The following EXOC6 variants were observed in gnomAD, a reference collection of about 807,000 sequenced individuals.
The protein encoded by EXOC6 is SEC15-like 1.
A neutral mutation model predicts 112.5 loss-of-function variants in EXOC6; 60 were observed. The ratio of observed to expected loss-of-function variants is 0.53; its 90% CI spans 0.43 to 0.66. The LOEUF is 0.66. EXOC6 is among the 30% of genes least tolerant of loss of function. The pLI is 0.00. For missense variants in EXOC6, 855 were observed against 957.1 expected, an observed-to-expected ratio of 0.89 and a Z score of 1.41; for synonymous variants, 295 against 308.0, an observed-to-expected ratio of 0.96 and a Z score of 0.44.
At position 92,969,829 on chromosome 10, in the gene EXOC6, G is replaced by C. The variant is rs190236620; in HGVS notation, c.1774-4224G>C. Among the ~76,000 whole-genome samples the C allele has an allele frequency of 3.1e-3, 479 of 152,234 alleles. 5 individuals carry two copies. Among genetic ancestry groups the C allele is most frequent in the African/African-American group, 0.011 (458 of 41,506 alleles). ...ATGCCTCAGCCTCCTGAGTAGCTGG[G>C]ATTATAGGCGTACACCACCACGCCC... On this transcript the variant is annotated intron_variant, in intron 17 of 21. Coordinates refer to ENST00000260762, the MANE Select transcript of EXOC6 (RefSeq NM_019053.6).
Position 92,886,250 on chromosome 10 carries a change from A to G in EXOC6, c.102-7099A>G, listed in dbSNP as rs1377923040. ...AAGAATAATGATTATCATTTAAAGA[A>G]AAAAAGAAAAATAGCTTTTTCAGAG... On this transcript the variant is annotated intron_variant, in intron 1 of 21. Transcript: ENST00000260762. 2.0e-5 allele frequency among the ~76,000 whole-genome samples: 3 copies of G among 152,312 alleles called. No individual in the cohort carries two copies. The East Asian group carries it at 5.8e-4, about 29-fold the overall frequency.
At chr10:92,961,953 A>C (rs1214790784) in intron 17 of EXOC6, among the ~76,000 whole-genome samples, 1 of 152,192 alleles carries the variant, frequency 6.6e-6, no homozygotes. Flanking sequence ...GAAAGGTAAA[A>C]ATGTAGCAGC....
intron 12 of EXOC6, among the ~76,000 whole-genome samples, chr10:92,940,228 A>G (rs536441137): frequency 1.3e-5 from 2 of 152,264 alleles, no homozygotes; most frequent in East Asian, 1.9e-4. Flanking sequence ...TAAGATTTCA[A>G]TGAGTTTGGA....
intron 19 of EXOC6, among the ~76,000 whole-genome samples, chr10:93,011,315 G>A (rs186614488): frequency 2.0e-5 from 3 of 151,858 alleles, no homozygotes; most frequent in African/African-American, 4.8e-5. Context: ...GGAGTGCAGT[G>A]GTACGATCAT....
chr10:92,854,415 G>A (rs1380835495), intron 1 of EXOC6, among the ~76,000 whole-genome samples: 4 of 150,186 alleles, frequency 2.7e-5, no homozygotes, highest in East Asian at 3.9e-4. Context: ...CAGCCTGGGC[G>A]ACAGAATGAG....
At chr10:92,934,501 C>G in intron 11 of EXOC6, 71 bp downstream of exon 11, 1 of 1,300,308 alleles carries the variant, frequency 7.7e-7, no homozygotes, top group African/African-American at 1.5e-5. Context: ...TGCATAATGT[C>G]AGAGGAAAAC....
intron 20 of EXOC6, among the ~76,000 whole-genome samples, chr10:93,045,924 T>C (rs1450111158): frequency 6.6e-6 from 1 of 152,218 alleles, no homozygotes; most frequent in African/African-American, 2.4e-5. Flanking sequence ...TGGCACAAAT[T>C]AAATCAATCA....
intron 18 of EXOC6, among the ~76,000 whole-genome samples, chr10:92,975,524 TG>T (rs1417286804): frequency 8.5e-6 from 1 of 117,546 alleles, no homozygotes; most frequent in Non-Finnish European, 1.7e-5. Context: ...AGGAGGGAGG[TG>T]GGGGGGTCAG....
chr10:92,981,535 G>T (rs1050849996), intron 18 of EXOC6, among the ~76,000 whole-genome samples: 2 of 152,142 alleles, frequency 1.3e-5, no homozygotes, highest in African/African-American at 4.8e-5. Flanking sequence ...CTAACACATG[G>T]TTGTCTTTTA....
chr10:93,008,359 A>G (rs1844088835), intron 19 of EXOC6, among the ~76,000 whole-genome samples: 1 of 152,204 alleles, frequency 6.6e-6, no homozygotes, highest in Non-Finnish European at 1.5e-5. Flanking sequence ...TGATTTTTAC[A>G]TATCTTATTG....
At chr10:92,872,718 CTT>C (rs1316755296) in intron 1 of EXOC6, among the ~76,000 whole-genome samples, 20 of 151,970 alleles carry the variant, frequency 1.3e-4, no homozygotes, top group Admixed American at 1.3e-3. Flanking sequence ...TATTTATAGA[CTT>C]TATAGTCTTT....
chr10:92,896,133 G>A (rs1292941241), intron 4 of EXOC6, among the ~76,000 whole-genome samples: 9 of 48,410 alleles, frequency 1.9e-4, no homozygotes, highest in Admixed American at 3.1e-4. Flanking sequence ...GTGTGTGTGT[G>A]TGTGTATGTA....
intron 9 of EXOC6, among the ~76,000 whole-genome samples, chr10:92,933,451 G>A (rs988755487): frequency 1.3e-5 from 2 of 152,096 alleles, no homozygotes; most frequent in African/African-American, 4.8e-5. Context: ...CAAGCATTTG[G>A]TGACATGTAG....
intron 18 of EXOC6, among the ~76,000 whole-genome samples, chr10:92,978,842 C>T (rs1282856796): frequency 2.0e-5 from 3 of 152,164 alleles, no homozygotes; most frequent in African/African-American, 7.2e-5. Flanking sequence ...TTAAGCAGAA[C>T]AAGCCATCCT....
rs530354600 is a variant in EXOC6 at position 93,031,783 on chromosome 10, G to T, written c.2169+17516G>T. Among the ~76,000 whole-genome samples the T allele has an allele frequency of 6.6e-5, 10 of 152,156 alleles. No homozygotes were observed. The East Asian group carries it at 1.9e-3, about 29-fold the overall frequency. On this transcript the variant is annotated intron_variant, in intron 20 of 21. Coordinates refer to ENST00000260762, the MANE Select transcript of EXOC6 (RefSeq NM_019053.6). ...CCGCCTCTGCCTACCAAAGTGCTGG[G>T]ATTATAGGCATGAGCCACCGTGCCC... is the stretch of plus-strand genomic sequence containing the variant.
At chr10:93,012,293 GT>G (rs1278045805) in intron 19 of EXOC6, among the ~76,000 whole-genome samples, 1 of 152,172 alleles carries the variant, frequency 6.6e-6, no homozygotes, top group Admixed American at 6.5e-5. Flanking sequence ...AAGAATTCAT[GT>G]TAAAACTACC....
chr10:93,057,012 A>C lies in EXOC6; in HGVS notation c.2258A>C (p.Asn753Thr). The C allele has an allele frequency of 6.3e-7, 1 of 1,584,834 alleles. No homozygotes were observed. Among genetic ancestry groups the C allele is most frequent in the Non-Finnish European group, 8.5e-7 (1 of 1,169,994 alleles). The change falls in exon 21 of 22, where the codon AAC (asparagine) becomes ACC (threonine). Residue 753 changes from asparagine (N) to threonine (T), a missense_variant. Transcript: ENST00000260762. Reference protein sequence around the residue: ...PASKYLRVNPNTALTLLEKMK... With the variant: ...PASKYLRVNPTTALTLLEKMK... ...TCTAAGTACCTTCGGGTGAATCCAA[A>C]CACAGCCCTTACTCTTTTGGAGAAG...
chr10:92,903,185 G>C (rs536607539), intron 5 of EXOC6, among the ~76,000 whole-genome samples: 7 of 152,016 alleles, frequency 4.6e-5, no homozygotes, highest in African/African-American at 1.4e-4. Context: ...AATTATTTTA[G>C]TAGTACCATT....
At chr10:92,830,799 AG>A (rs139800924), upstream of EXOC6, among the ~76,000 whole-genome samples, 1 of 152,308 alleles carries the variant, frequency 6.6e-6, no homozygotes, top group Non-Finnish European at 1.5e-5. Flanking sequence ...AATCCTAGGA[AG>A]TAGTCAAAGA....
Sources: gnomAD v4.1 joint callset for allele counts (sites outside exome capture counted in the v4.1 genomes callset) on GRCh38, gnomAD v4.1.1 for gene constraint, MANE v1.5 for transcripts, NCBI Gene and HGNC (gene_info 2026-07-23, HGNC 2026-07-21) for gene names.